LIFR: variants seen among roughly 807,000 people sequenced by gnomAD.
The protein encoded by LIFR is leukemia inhibitory factor receptor.
LIFR carries 84 observed loss-of-function variants against 122.2 expected under a neutral mutation model. That is an observed-to-expected ratio of 0.69 (90% CI 0.58 to 0.82). The LOEUF is 0.82. Ranked by LOEUF, LIFR falls within the 40% of genes least tolerant of loss-of-function variation. The pLI, the probability that LIFR is intolerant of heterozygous loss-of-function variation, is 0.00. For missense variants in LIFR, 1,294 were observed against 1,311.6 expected (o/e 0.99, Z 0.21); for synonymous variants, 422 against 434.7 (o/e 0.97, Z 0.36).
chr5:38,490,095 C>A, intron 15 of LIFR, 95 bp downstream of exon 15: 6 of 383,464 alleles, frequency 1.6e-5, no homozygotes, highest in South Asian at 4.3e-5. Context: ...TTCAATTATA[C>A]ATCTTATTTT....
intron 8 of LIFR, 119 bp downstream of exon 8, chr5:38,506,384 C>T: frequency 8.6e-7 from 1 of 1,161,052 alleles, no homozygotes; most frequent in Admixed American, 1.7e-5. Flanking sequence ...TTTTATACAG[C>T]ATATTTGGTT....
chr5:38,562,312 G>A (rs1443462187), intron 1 of LIFR, among the ~76,000 whole-genome samples: 1 of 152,038 alleles, frequency 6.6e-6, no homozygotes, highest in African/African-American at 2.4e-5. Context: ...TAGCCATTGA[G>A]CCTCCATCCC....
In LIFR at chr5:38,477,773, T is replaced by C. The variant is rs1362365807; in HGVS notation, c.*3822A>G. On this transcript the variant is annotated 3_prime_UTR_variant, in exon 20 of 20. Transcript: ENST00000453190. ...TGTGACACTCTGGGATAGGACTCAG[T>C]CAAGAAAATTAGTTACTGAGCTTTC... 7 of 217,702 alleles carry C rather than the reference T, an allele frequency of 3.2e-5. No homozygotes were observed. The highest frequency in any genetic ancestry group is 1.4e-3 in the Middle Eastern group (1 of 700). The allele number at this position is 217,702 out of a possible 1,614,324, so 13.5% of individuals were successfully genotyped here. A position where few individuals can be genotyped will look rare whatever the true frequency, so the allele number is the denominator to read the frequency against.
chr5:38,538,050 A>G (rs985335304), intron 1 of LIFR, among the ~76,000 whole-genome samples: 1 of 152,176 alleles, frequency 6.6e-6, no homozygotes, highest in Non-Finnish European at 1.5e-5. Context: ...AAGGTGTTTC[A>G]CATTTTAAGC....
upstream of LIFR, chr5:38,558,177 AATGT>A: frequency 6.6e-6 from 1 of 152,106 alleles, no homozygotes; most frequent in East Asian, 1.9e-4. Flanking sequence ...ACAATCTTAA[AATGT>A]ATGTATATAT....
At chr5:38,490,406 T>G (rs1214955011) in intron 14 of LIFR, 115 bp from the exon 15 acceptor site, 1 of 508,698 alleles carries the variant, frequency 2.0e-6, no homozygotes, top group East Asian at 3.3e-5. Flanking sequence ...TTAAAGATGT[T>G]TTCTTATTAA....
intron 1 of LIFR, among the ~76,000 whole-genome samples, chr5:38,592,600 C>G (rs539757977): frequency 8.9e-5 from 13 of 145,652 alleles, no homozygotes; most frequent in African/African-American, 3.3e-4. Flanking sequence ...GAGATTGCAG[C>G]GAGCTGAGAT....
intron 11 of LIFR, among the ~76,000 whole-genome samples, chr5:38,500,391 G>C (rs1195873425): frequency 6.6e-6 from 1 of 152,188 alleles, no homozygotes; most frequent in African/African-American, 2.4e-5. Context: ...TAGAATATCT[G>C]CATATACATA....
At chr5:38,590,883 T>C (rs1278523014) in intron 1 of LIFR, among the ~76,000 whole-genome samples, 1 of 152,232 alleles carries the variant, frequency 6.6e-6, no homozygotes, top group Non-Finnish European at 1.5e-5. Flanking sequence ...CAAAAGATTG[T>C]TGTTGACTCC....
Position 38,527,174 on chromosome 5 carries a change from T to G in LIFR, c.378A>C (p.Thr126=), listed in dbSNP as rs1373093424. ...HDFGSSTSKF[T]LNEQNVSLIP... is the part of the protein sequence containing the mutation. ...ACTTACAAACGTTTTGTTCATTTAG[T>G]GTGAATTTACTTGTAGAACTTCCAA... The change falls in exon 4 of 20, where the codon ACA becomes ACC. Residue 126 remains threonine, a synonymous_variant. Coordinates refer to ENST00000453190, the MANE Select transcript of LIFR (RefSeq NM_001127671.2). The G allele has an allele frequency of 1.9e-6, 3 of 1,594,432 alleles. No individual in the cohort carries two copies. Among genetic ancestry groups the G allele is most frequent in the Non-Finnish European group, 2.6e-6 (3 of 1,164,176 alleles).
At chr5:38,539,230 T>TGAGCCACCGCGCC (rs1404729472) in intron 1 of LIFR, among the ~76,000 whole-genome samples, 2 of 152,198 alleles carry the variant, frequency 1.3e-5, no homozygotes, top group African/African-American at 4.8e-5. Flanking sequence ...ATTACAGGTG[T>TGAGCCACCGCGCC]GAGCCACCGC....
chr5:38,498,984 T>G (rs1052358116), intron 12 of LIFR, among the ~76,000 whole-genome samples: 2 of 152,222 alleles, frequency 1.3e-5, no homozygotes, highest in Non-Finnish European at 2.9e-5. Flanking sequence ...GTTCATGTTT[T>G]TGATATTCAT....
intron 15 of LIFR, 111 bp downstream of exon 15, chr5:38,490,079 C>A: frequency 4.9e-6 from 2 of 404,626 alleles, no homozygotes. Flanking sequence ...AATTATTTTA[C>A]CTTCCTTCAA....
At chr5:38,528,575 GA>G in intron 3 of LIFR, 150 bp downstream of exon 3, 1 of 679,952 alleles carries the variant, frequency 1.5e-6, no homozygotes. Flanking sequence ...CCCTACAGGA[GA>G]AAAATGAGGC....
chr5:38,557,396 T>G, upstream of LIFR: 1 of 154,734 alleles, frequency 6.5e-6, no homozygotes, highest in African/African-American at 2.4e-5. Context: ...CAAATGAAAT[T>G]AGCTGGAGAG....
chr5:38,509,219 C>T (rs1215467127), intron 7 of LIFR, among the ~76,000 whole-genome samples: 1 of 152,180 alleles, frequency 6.6e-6, no homozygotes, highest in South Asian at 2.1e-4. Flanking sequence ...TAATAGCTCA[C>T]TTTTGGTACT....
intron 1 of LIFR, among the ~76,000 whole-genome samples, chr5:38,593,288 G>C (rs998289056): frequency 5.3e-5 from 8 of 151,802 alleles, no homozygotes; most frequent in Non-Finnish European, 1.0e-4. Context: ...TATGAAACTG[G>C]GGGGGATGTT....
chr5:38,543,462 A>T (rs1270055977), intron 1 of LIFR, among the ~76,000 whole-genome samples: 1 of 152,226 alleles, frequency 6.6e-6, no homozygotes, highest in East Asian at 1.9e-4. Flanking sequence ...TTTCCAATTG[A>T]AAGCCTTTCA....
At chr5:38,593,020 T>C (rs1187537457) in intron 1 of LIFR, among the ~76,000 whole-genome samples, 4 of 152,036 alleles carry the variant, frequency 2.6e-5, no homozygotes, top group Non-Finnish European at 5.9e-5. Context: ...CTGACCAACA[T>C]GGTCAAACCC....
Sources: gnomAD v4.1 joint callset for allele counts (sites outside exome capture counted in the v4.1 genomes callset) on GRCh38, gnomAD v4.1.1 for gene constraint, MANE v1.5 for transcripts, NCBI Gene and HGNC (gene_info 2026-07-23, HGNC 2026-07-21) for gene names.